The following PER3 variants were observed in gnomAD, a reference collection of about 807,000 sequenced individuals.
PER3 encodes the protein period circadian protein homolog 3.
A neutral mutation model predicts 127.2 loss-of-function variants in PER3; 107 were observed. That is an observed-to-expected ratio of 0.84 (90% CI 0.72 to 0.99). PER3 has a LOEUF of 0.99. PER3 is among the 50% of genes least tolerant of loss of function. The pLI is 0.00. For missense variants in PER3, 1,560 were observed against 1,525.8 expected, an observed-to-expected ratio of 1.02 and a Z score of -0.37; for synonymous variants, 618 against 585.8, an observed-to-expected ratio of 1.05 and a Z score of -0.79.
At chr1:7,799,014 G>A (rs2097158281) in intron 7 of PER3, among the ~76,000 whole-genome samples, 1 of 152,176 alleles carries the variant, frequency 6.6e-6, no homozygotes, top group Non-Finnish European at 1.5e-5. Context: ...GTTTCCCAGA[G>A]AGGCCACAAG....
At chr1:7,830,462 C>T (rs1415689662) in intron 19 of PER3, among the ~76,000 whole-genome samples, 1 of 152,220 alleles carries the variant, frequency 6.6e-6, no homozygotes. Context: ...CATCTCTGCC[C>T]TGACCCTTGG....
intron 7 of PER3, among the ~76,000 whole-genome samples, chr1:7,800,033 C>T (rs940486762): frequency 3.3e-5 from 5 of 152,050 alleles, no homozygotes; most frequent in African/African-American, 7.3e-5. Flanking sequence ...CTGCCTTGGC[C>T]TCCTAAAGTG....
rs201111117 is a variant in PER3, at chr1:7,786,793, A to G, written c.347A>G (p.Glu116Gly). 368 of 1,611,350 alleles carry G rather than the reference A, an allele frequency of 2.3e-4. No individual in the cohort carries two copies. Among genetic ancestry groups the G allele is most frequent in the Non-Finnish European group, 3.0e-4 (348 of 1,177,600 alleles). The change falls in exon 4 of 22, where the codon GAG becomes GGG. Residue 116 changes from glutamate (E) to glycine (G), a missense_variant. Coordinates refer to ENST00000377532, the MANE Select transcript of PER3 (RefSeq NM_001377275.1). The stretch of plus-strand genomic sequence containing the variant: ...GCAGATGTGAGCATGTACAGTCTTG[A>G]GGAGCTGGCCACTATCGCTTCAGAA... ...PQADVSMYSL[E>G]ELATIASEHT...
intron 17 of PER3, 75 bp from the exon 18 acceptor site, chr1:7,827,043 C>A: frequency 8.7e-7 from 1 of 1,143,852 alleles, no homozygotes; most frequent in Non-Finnish European, 1.2e-6. Flanking sequence ...CTACTTATAA[C>A]TACCTGTAAG....
chr1:7,835,815 TC>T lies in PER3; in HGVS notation c.3271del (p.Gln1091LysfsTer26). The stretch of plus-strand genomic sequence containing the variant: ...TAGTAGTGTTTATTCTTCTAAAATC[TC>T]CCAAAATGGGCAGCAATCTCAGGAC... Reference protein sequence around the residue: ...LTSSVYSSKISQNGQQSQDVQ... With the variant: ...LTSSVYSSKIXQNGQQSQDVQ... On this transcript the variant is annotated frameshift_variant, in exon 20 of 22. Transcript: ENST00000377532. LOFTEE classifies it high-confidence loss of function. 5.0e-6 allele frequency: 8 copies of T among 1,612,738 alleles called. No homozygotes were observed. Among genetic ancestry groups the T allele is most frequent in the Non-Finnish European group, 6.8e-6 (8 of 1,178,818 alleles).
chr1:7,796,469 C>T (rs1318674476), intron 6 of PER3, among the ~76,000 whole-genome samples: 1 of 151,904 alleles, frequency 6.6e-6, no homozygotes, highest in Non-Finnish European at 1.5e-5. Flanking sequence ...CAGGCATGCA[C>T]CGCCACAGCT....
chr1:7,818,902 C>T lies in PER3; in HGVS notation c.1523-383C>T, dbSNP rs144599040. ...ATCACGTAAGATGCACAGGTCTTCC[C>T]ACATTCCACCCTTAGTGATTGCCAG... is the stretch of plus-strand genomic sequence containing the variant. On this transcript the variant is annotated intron_variant, in intron 13 of 21. Coordinates refer to ENST00000377532, the MANE Select transcript of PER3 (RefSeq NM_001377275.1). Among the ~76,000 whole-genome samples the T allele has an allele frequency of 4.0e-4, 61 of 152,354 alleles. No homozygotes were observed. The East Asian group carries it at 0.011, about 28-fold the overall frequency.
intron 21 of PER3, among the ~76,000 whole-genome samples, chr1:7,842,004 C>G (rs2097392188): frequency 6.6e-6 from 1 of 152,160 alleles, no homozygotes; most frequent in Non-Finnish European, 1.5e-5. Flanking sequence ...TGATCCTAGG[C>G]TACAAACCTG....
At chr1:7,835,179 C>A (rs1329381069) in intron 19 of PER3, among the ~76,000 whole-genome samples, 1 of 152,036 alleles carries the variant, frequency 6.6e-6, no homozygotes, top group Non-Finnish European at 1.5e-5. Context: ...GCAGGATTCC[C>A]AGGTATTTTG....
In PER3 at chr1:7,835,823, T is replaced by C. The variant is rs2097355514; in HGVS notation, c.3276T>C (p.Asn1092=). Residue 1092 remains asparagine, a synonymous_variant, in exon 20 of 22, where the codon AAT becomes AAC. Coordinates refer to ENST00000377532, the MANE Select transcript of PER3 (RefSeq NM_001377275.1). ...TTTATTCTTCTAAAATCTCCCAAAATGGGCAGCAATCTCAGGACGTACAGA... is the reference window on the plus strand; with the variant it reads ...TTTATTCTTCTAAAATCTCCCAAAACGGGCAGCAATCTCAGGACGTACAGA... ...SSVYSSKISQ[N]GQQSQDVQKK... The C allele has an allele frequency of 1.2e-6, 2 of 1,612,584 alleles. No homozygotes were observed. The highest frequency in any genetic ancestry group is 2.2e-5 in the East Asian group (1 of 44,870).
chr1:7,822,819 G>A (rs1473001236), intron 16 of PER3, among the ~76,000 whole-genome samples: 1 of 152,184 alleles, frequency 6.6e-6, no homozygotes, highest in Non-Finnish European at 1.5e-5. Flanking sequence ...AGGGACTCAG[G>A]AGGCCAAGGA....
intron 5 of PER3, among the ~76,000 whole-genome samples, chr1:7,790,838 C>T (rs4908694): frequency 0.13 from 20,387 of 152,244 alleles, 1,594 homozygotes; most frequent in Non-Finnish European, 0.15. Flanking sequence ...GTCTGAAATC[C>T]ACTGAAGCAA....
chr1:7,842,844 A>T lies in PER3; in HGVS notation c.*89A>T. 1 of 1,045,050 alleles carries T rather than the reference A, an allele frequency of 9.6e-7. No homozygotes were observed. Among genetic ancestry groups the T allele is most frequent in the Non-Finnish European group, 1.4e-6 (1 of 728,856 alleles). The allele number at this position is 1,045,050 out of a possible 1,614,324, so 64.7% of individuals were successfully genotyped here. A position where few individuals can be genotyped will look rare whatever the true frequency, so the allele number is the denominator to read the frequency against. On this transcript the variant is annotated 3_prime_UTR_variant, in exon 22 of 22. Transcript: ENST00000377532. ...GTCCTGGACTTTTAAATGACCATGA[A>T]GTTATCATTGAATGTTAAGATTTTT... is the stretch of plus-strand genomic sequence containing the variant.
chr1:7,810,380 T>A, intron 12 of PER3, 58 bp from the exon 13 acceptor site: 1 of 1,240,398 alleles, frequency 8.1e-7, no homozygotes, highest in East Asian at 2.3e-5. Context: ...TGTTTATGTA[T>A]CTTTTAGTGG....
intron 13 of PER3, among the ~76,000 whole-genome samples, chr1:7,818,080 A>G (rs2097259637): frequency 1.3e-5 from 2 of 152,226 alleles, no homozygotes; most frequent in African/African-American, 2.4e-5. Flanking sequence ...GAGAAACTCA[A>G]ATCGAAGGCC....
chr1:7,785,334 G>T, intron 2 of PER3, 107 bp from the exon 3 acceptor site: 1 of 839,390 alleles, frequency 1.2e-6, no homozygotes, highest in Non-Finnish European at 1.9e-6. Context: ...GTGGACTGAT[G>T]CCGGTAGAGC....
At chr1:7,841,892 T>G (rs151063110) in intron 21 of PER3, among the ~76,000 whole-genome samples, 1 of 152,206 alleles carries the variant, frequency 6.6e-6, no homozygotes, top group African/African-American at 2.4e-5. Context: ...TTTCACCACT[T>G]AGTAATGGGG....
At chr1:7,789,958 GC>G (rs1217803935) in intron 5 of PER3, among the ~76,000 whole-genome samples, 4 of 151,948 alleles carry the variant, frequency 2.6e-5, no homozygotes, top group Admixed American at 6.6e-5. Context: ...TTGTTTCTCT[GC>G]TTTTGTTAGC....
Position 7,784,832 on chromosome 1 carries a change from C to G in PER3, c.-46C>G, listed in dbSNP as rs758949663. 1.4e-6 allele frequency: 2 copies of G among 1,410,516 alleles called. No homozygotes were observed. The highest frequency in any genetic ancestry group is 2.9e-5 in the East Asian group (1 of 34,366). The allele number at this position is 1,410,516 out of a possible 1,614,324, so 87.4% of individuals were successfully genotyped here. On this transcript the variant is annotated 5_prime_UTR_variant, in exon 2 of 22. Coordinates refer to ENST00000377532, the MANE Select transcript of PER3 (RefSeq NM_001377275.1). Reference sequence around the variant, plus strand: ...GACTGCAAAGTGAGCGAGAAGCAGGCTGCGGGCCGTCCCAGCACGACGTGG... The same window carrying G: ...GACTGCAAAGTGAGCGAGAAGCAGGGTGCGGGCCGTCCCAGCACGACGTGG...
Sources: gnomAD v4.1 joint callset for allele counts (sites outside exome capture counted in the v4.1 genomes callset) on GRCh38, gnomAD v4.1.1 for gene constraint, MANE v1.5 for transcripts, NCBI Gene and HGNC (gene_info 2026-07-23, HGNC 2026-07-21) for gene names.